Variants in ASH1L observed in about 807,000 individuals in gnomAD.
ASH1L encodes histone-lysine N-methyltransferase ASH1L.
In ASH1L, 23 loss-of-function variants were observed where a neutral mutation model predicts 269.0. The observed-to-expected ratio is 0.09, with a 90% CI of 0.06 to 0.12. ASH1L has a LOEUF of 0.12. Ranked by LOEUF, ASH1L falls within the 10% of genes least tolerant of loss-of-function variation. The probability of loss-of-function intolerance (pLI) is 1.00; values close to 1 mark genes in which losing one functional copy is unlikely to be tolerated. For synonymous variants in ASH1L, 1,187 were observed against 1,253.5 expected, an observed-to-expected ratio of 0.95 and a Z score of 1.12; for missense variants, 2,912 against 3,567.8, an observed-to-expected ratio of 0.82 and a Z score of 4.68.
At chr1:155,461,332 AC>A (rs1385088806) in intron 3 of ASH1L, among the ~76,000 whole-genome samples, 1 of 152,218 alleles carries the variant, frequency 6.6e-6, no homozygotes, top group Non-Finnish European at 1.5e-5. Flanking sequence ...TATGGGAAGC[AC>A]TGCTCAGGTG....
chr1:155,364,980 T>G (rs1391881417), intron 12 of ASH1L, among the ~76,000 whole-genome samples: 1 of 151,870 alleles, frequency 6.6e-6, no homozygotes, highest in Non-Finnish European at 1.5e-5. Flanking sequence ...ATTCTTTTAT[T>G]CCTTTACTTT....
At chr1:155,533,529 T>G (rs963459892) in intron 1 of ASH1L, among the ~76,000 whole-genome samples, 10 of 150,932 alleles carry the variant, frequency 6.6e-5, no homozygotes, top group Non-Finnish European at 1.2e-4. Flanking sequence ...ATGGCCAATA[T>G]GGTGAAACCC....
At chr1:155,417,789 T>A (rs1001198319) in intron 5 of ASH1L, among the ~76,000 whole-genome samples, 4 of 151,936 alleles carry the variant, frequency 2.6e-5, no homozygotes, top group Non-Finnish European at 5.9e-5. Flanking sequence ...AGAAACCCCG[T>A]CTCTACTAAA....
chr1:155,510,037 A>T (rs972826118), intron 2 of ASH1L, among the ~76,000 whole-genome samples: 1 of 152,216 alleles, frequency 6.6e-6, no homozygotes, highest in Non-Finnish European at 1.5e-5. Flanking sequence ...AAAAAGATTT[A>T]TAAATTACAT....
At chr1:155,339,261 G>T (rs1652563345) in intron 26 of ASH1L, 67 bp downstream of exon 26, 1 of 1,470,276 alleles carries the variant, frequency 6.8e-7, no homozygotes, top group Non-Finnish European at 9.5e-7. Context: ...GTAGTTGTTT[G>T]TTTTCTTGAT....
At chr1:155,345,498 C>T (rs1653206571) in intron 21 of ASH1L, among the ~76,000 whole-genome samples, 1 of 150,890 alleles carries the variant, frequency 6.6e-6, no homozygotes, top group African/African-American at 2.4e-5. Context: ...TGGTCTTTAT[C>T]TCTTGACCTT....
chr1:155,543,752 T>G (rs1006148429), intron 1 of ASH1L, among the ~76,000 whole-genome samples: 9 of 151,652 alleles, frequency 5.9e-5, no homozygotes, highest in African/African-American at 2.2e-4. Flanking sequence ...GGCAACATAG[T>G]GAGACCCCAT....
rs1183243770 is a variant in ASH1L, at chr1:155,336,544, A to T, written c.*1116T>A. 1.3e-5 allele frequency: 2 copies of T among 152,708 alleles called. No homozygotes were observed. Among genetic ancestry groups the T allele is most frequent in the African/African-American group, 4.8e-5 (2 of 41,428 alleles). 9.5% of individuals were successfully genotyped at this position (152,708 alleles called of 1,614,324 possible). ...TTTTAAAGAGACAGTATAGTCTGTTAACTTCTGGTCAAGAGAGTAGGAAGG... is the reference window on the plus strand; with the variant it reads ...TTTTAAAGAGACAGTATAGTCTGTTTACTTCTGGTCAAGAGAGTAGGAAGG... On this transcript the variant is annotated 3_prime_UTR_variant, in exon 28 of 28. Transcript: ENST00000392403.
Position 155,338,362 on chromosome 1 carries a change from G to C in ASH1L, c.8530C>G (p.Pro2844Ala). Reference protein sequence around the residue: ...RSSWKSERSKPPLKDLGQEDD... With the variant: ...RSSWKSERSKAPLKDLGQEDD... ...TCCTGGCCCAAGTCTTTTAGGGGTG[G>C]CTTTGAGCGCTCAGACTTCCAGGAT... The change falls in exon 27 of 28, where the codon CCA becomes GCA. Residue 2844 changes from proline (P) to alanine (A), a missense_variant. Pro to Ala is a conservative substitution (Grantham distance 27). Around this residue, in one of 13 missense-constraint regions of ASH1L, gnomAD observed 154 missense variants for 165.0 expected, o/e 0.93. Transcript: ENST00000392403. 1 of 1,613,502 alleles carries C rather than the reference G, an allele frequency of 6.2e-7. No individual in the cohort carries two copies. Among genetic ancestry groups the C allele is most frequent in the Non-Finnish European group, 8.5e-7 (1 of 1,179,636 alleles).
intron 2 of ASH1L, among the ~76,000 whole-genome samples, chr1:155,511,029 C>T (rs553619968): frequency 6.6e-6 from 1 of 152,098 alleles, no homozygotes; most frequent in South Asian, 2.1e-4. Context: ...ATGAGTCTGA[C>T]ATTTTAAAAT....
intron 4 of ASH1L, among the ~76,000 whole-genome samples, chr1:155,452,244 G>A (rs1374157933): frequency 6.6e-6 from 1 of 151,944 alleles, no homozygotes; most frequent in East Asian, 1.9e-4. Context: ...TTGCCATGTT[G>A]GCCAGGCTGG....
At chr1:155,408,429 CAG>C (rs1465732708) in intron 6 of ASH1L, among the ~76,000 whole-genome samples, 2 of 152,044 alleles carry the variant, frequency 1.3e-5, no homozygotes, top group African/African-American at 4.8e-5. Context: ...ATGAAAAATT[CAG>C]ATTTTGACTT....
chr1:155,556,455 TA>T (rs1671598667), intron 1 of ASH1L, among the ~76,000 whole-genome samples: 1 of 151,686 alleles, frequency 6.6e-6, no homozygotes, highest in South Asian at 2.1e-4. Flanking sequence ...TATATATATA[TA>T]TTTTTTGAGA....
intron 3 of ASH1L, among the ~76,000 whole-genome samples, chr1:155,461,802 G>GTTTT (rs398053426): frequency 7.9e-6 from 1 of 127,114 alleles, no homozygotes. Flanking sequence ...GGGTTTGAGG[G>GTTTT]TTTTTTTTTT....
At chr1:155,443,169 T>C in intron 4 of ASH1L, among the ~76,000 whole-genome samples, 1 of 152,236 alleles carries the variant, frequency 6.6e-6, no homozygotes, top group East Asian at 1.9e-4. Flanking sequence ...CTTGGAATTA[T>C]TTTTATCTCC....
At chr1:155,496,735 C>T (rs767874657) in intron 2 of ASH1L, among the ~76,000 whole-genome samples, 3 of 152,032 alleles carry the variant, frequency 2.0e-5, no homozygotes, top group Non-Finnish European at 2.9e-5. Context: ...ACCTCCTGGG[C>T]TCAAGCAATC....
Position 155,479,421 on chromosome 1 carries a change from G to C in ASH1L, c.3449C>G (p.Ala1150Gly), listed in dbSNP as rs371551723. 8.6e-5 allele frequency: 139 copies of C among 1,613,982 alleles called. No individual in the cohort carries two copies. The highest frequency in any genetic ancestry group is 1.6e-4 in the Middle Eastern group (1 of 6,084). Reference sequence around the variant, plus strand: ...CCTCCCCTTTGAGGCCTTCTTCATTGCAAGAGTCTGAATCATACTGCCCTG... The same window carrying C: ...CCTCCCCTTTGAGGCCTTCTTCATTCCAAGAGTCTGAATCATACTGCCCTG... Reference protein sequence around the residue: ...SRQGSMIQTLAMKKASKGRRR... With the variant: ...SRQGSMIQTLGMKKASKGRRR... Residue 1150 changes from alanine to glycine, a missense_variant, in exon 3 of 28, where the codon GCA (alanine) becomes GGA (glycine). Ala to Gly is a moderately conservative substitution (Grantham distance 60). This residue lies in a region of ASH1L where 157 missense variants were observed against 154.6 expected (regional missense o/e 1.02). Transcript: ENST00000392403.
At chr1:155,497,284 A>C (rs995402908) in intron 2 of ASH1L, among the ~76,000 whole-genome samples, 2 of 152,238 alleles carry the variant, frequency 1.3e-5, no homozygotes, top group African/African-American at 4.8e-5. Context: ...TTCACAGTTC[A>C]TCAATGGATG....
chr1:155,344,873 C>T (rs1653114203), intron 21 of ASH1L, among the ~76,000 whole-genome samples: 1 of 152,172 alleles, frequency 6.6e-6, no homozygotes, highest in African/African-American at 2.4e-5. Context: ...AAACCACTGT[C>T]TAACATAAAT....
Sources: allele counts gnomAD v4.1 joint callset (sites outside exome capture counted in the v4.1 genomes callset), GRCh38; gene constraint gnomAD v4.1.1; regional missense constraint gnomAD v4.1.1; transcripts MANE v1.5; gene names NCBI Gene and HGNC (gene_info 2026-07-23, HGNC 2026-07-21).